Variants in KLF8 observed in about 807,000 individuals in gnomAD.
KLF8 encodes the protein Krueppel-like factor 8.
In KLF8, 10 loss-of-function variants were observed where a neutral mutation model predicts 18.2. That is an observed-to-expected ratio of 0.55 (90% CI 0.34 to 0.93). KLF8 has a LOEUF of 0.93. Ranked by LOEUF, KLF8 falls within the 40% of genes least tolerant of loss-of-function variation. The probability of loss-of-function intolerance (pLI) is 0.02; values close to 1 mark genes in which losing one functional copy is unlikely to be tolerated. For synonymous variants in KLF8, 109 were observed against 97.3 expected (o/e 1.12, Z -0.71); for missense variants, 264 against 277.9 (o/e 0.95, Z 0.36).
the KLF8 span, among the ~76,000 whole-genome samples, chrX:55,941,690 GC>G: frequency 9.0e-6 from 1 of 110,975 alleles, no homozygotes; most frequent in Non-Finnish European, 1.9e-5. Context: ...AACAACCCCA[GC>G]AAAAAGTGGG....
chrX:56,159,014 G>A, the KLF8 span, among the ~76,000 whole-genome samples: 1 of 111,766 alleles, frequency 8.9e-6, no homozygotes, highest in East Asian at 2.8e-4. Flanking sequence ...TATGATATTG[G>A]ATGTGGGTTT....
At chrX:56,264,772 G>T (rs781402213) in intron 2 of KLF8, among the ~76,000 whole-genome samples, 3 of 111,157 alleles carry the variant, frequency 2.7e-5, no homozygotes, top group African/African-American at 9.8e-5. Context: ...CGCCTTGCTT[G>T]TATGCCTGTT....
chrX:55,911,153 A>C, the KLF8 span, among the ~76,000 whole-genome samples: 1 of 112,285 alleles, frequency 8.9e-6, no homozygotes, highest in Non-Finnish European at 1.9e-5. Context: ...AAGCAAGAGA[A>C]AATATATCTA....
chrX:55,923,746 A>G, the KLF8 span, among the ~76,000 whole-genome samples: 58 of 104,458 alleles, frequency 5.6e-4, no homozygotes, highest in East Asian at 2.7e-3. Flanking sequence ...GTGTGTGTGT[A>G]TATCTGTATA....
At chrX:56,012,202 C>T in the KLF8 span, among the ~76,000 whole-genome samples, 1 of 111,826 alleles carries the variant, frequency 8.9e-6, no homozygotes, top group East Asian at 2.8e-4. Context: ...CCAAAATTTT[C>T]AGTAAACTTT....
chrX:56,022,003 T>C, the KLF8 span, among the ~76,000 whole-genome samples: 8 of 107,407 alleles, frequency 7.4e-5, no homozygotes, highest in Non-Finnish European at 1.1e-4. Context: ...TCAAAGCAAG[T>C]GTCAACCATA....
chrX:56,061,671 C>G, the KLF8 span, among the ~76,000 whole-genome samples: 6 of 111,327 alleles, frequency 5.4e-5, no homozygotes, highest in Non-Finnish European at 9.4e-5. Flanking sequence ...CTGTAGATGT[C>G]TATTAGGTCG....
At chrX:55,909,734 C>T in the KLF8 span, among the ~76,000 whole-genome samples, 1 of 112,331 alleles carries the variant, frequency 8.9e-6, no homozygotes, top group Non-Finnish European at 1.9e-5. Flanking sequence ...GAAATAGGAA[C>T]TCAAATCAAA....
At chrX:56,142,570 C>T in the KLF8 span, among the ~76,000 whole-genome samples, 4 of 111,649 alleles carry the variant, frequency 3.6e-5, no homozygotes, top group South Asian at 3.7e-4. Context: ...TGTATATACC[C>T]AGCTAAAACC....
intron 2 of KLF8, among the ~76,000 whole-genome samples, chrX:56,257,873 C>T (rs998270372): frequency 8.9e-5 from 10 of 111,902 alleles, no homozygotes; most frequent in African/African-American, 1.9e-4. Flanking sequence ...GTATATATAC[C>T]GAGTAATAGG....
chrX:55,930,009 C>T, the KLF8 span, among the ~76,000 whole-genome samples: 2 of 110,682 alleles, frequency 1.8e-5, no homozygotes, highest in African/African-American at 3.3e-5. Context: ...TCTTCCTACC[C>T]ATGAGCATGA....
the KLF8 span, among the ~76,000 whole-genome samples, chrX:56,054,230 T>A: frequency 1.8e-5 from 2 of 111,522 alleles, no homozygotes; most frequent in Non-Finnish European, 3.8e-5. Context: ...ATTAGTGCTA[T>A]GAATTTTCCT....
At chrX:55,941,654 G>C in the KLF8 span, among the ~76,000 whole-genome samples, 3 of 111,446 alleles carry the variant, frequency 2.7e-5, no homozygotes, top group Admixed American at 9.6e-5. Flanking sequence ...AATCTATAAT[G>C]AACTCAAACA....
chrX:56,290,810 C>T lies in KLF8; in HGVS notation c.*6316C>T, dbSNP rs183387452. On this transcript the variant is annotated 3_prime_UTR_variant, in exon 6 of 6. Transcript: ENST00000468660. ...GGTTGGAAGAGGATGGGATTTATACCAGTGGCAGGATATTTCTCTGTTTTC... is the reference window on the plus strand; with the variant it reads ...GGTTGGAAGAGGATGGGATTTATACTAGTGGCAGGATATTTCTCTGTTTTC... Among the ~76,000 whole-genome samples the T allele has an allele frequency of 2.5e-3, 275 of 111,365 alleles. 2 individuals are homozygous for T. The highest frequency in any genetic ancestry group is 8.5e-3 in the African/African-American group (262 of 30,696).
the KLF8 span, among the ~76,000 whole-genome samples, chrX:56,162,154 GC>G: frequency 1.8e-5 from 2 of 111,565 alleles, no homozygotes; most frequent in Non-Finnish European, 3.8e-5. Flanking sequence ...GGAGTACCTG[GC>G]CATGTGAGGT....
chrX:56,072,650 G>A, the KLF8 span, among the ~76,000 whole-genome samples: 1 of 112,224 alleles, frequency 8.9e-6, no homozygotes, highest in African/African-American at 3.2e-5. Context: ...ATTACCACAA[G>A]AAGCTTAATT....
In KLF8 at chrX:56,286,023, C is replaced by T. The variant is rs1190124269; in HGVS notation, c.*1529C>T. ...GAATTCTAGCACCAAGAAGGGATCC[C>T]GTTAACCATCTAGTCCTATCCATCC... On this transcript the variant is annotated 3_prime_UTR_variant, in exon 6 of 6. Transcript: ENST00000468660. 2 of 111,369 alleles carry T rather than the reference C, an allele frequency of 1.8e-5. No homozygotes were observed. The highest frequency in any genetic ancestry group is 3.8e-4 in the South Asian group (1 of 2,613). 9.2% of individuals were successfully genotyped at this position (111,369 alleles called of 1,213,427 possible). A position where few individuals can be genotyped will look rare whatever the true frequency, so the allele number is the denominator to read the frequency against.
chrX:56,161,414 T>C, the KLF8 span, among the ~76,000 whole-genome samples: 1 of 111,954 alleles, frequency 8.9e-6, no homozygotes, highest in African/African-American at 3.2e-5. Context: ...CCAACGAGAC[T>C]TAGATTTGGT....
chrX:56,177,705 G>C, the KLF8 span, among the ~76,000 whole-genome samples: 2 of 111,743 alleles, frequency 1.8e-5, no homozygotes, highest in South Asian at 7.6e-4. Flanking sequence ...CAGAGGTGGA[G>C]TCTACAGAGG....
Sources: gnomAD v4.1 joint callset for allele counts (sites outside exome capture counted in the v4.1 genomes callset) on GRCh38, gnomAD v4.1.1 for gene constraint, MANE v1.5 for transcripts, NCBI Gene and HGNC (gene_info 2026-07-23, HGNC 2026-07-21) for gene names.